HACE1: variants seen among roughly 807,000 people sequenced by gnomAD.
HACE1 encodes the protein E3 ubiquitin-protein ligase HACE1.
In HACE1, 73 loss-of-function variants were observed where a neutral mutation model predicts 118.4. The ratio of observed to expected loss-of-function variants is 0.62; its 90% CI spans 0.51 to 0.75. The LOEUF is 0.75. Among genes scored for constraint, HACE1 ranks in the 30% least tolerant of loss-of-function variants. The pLI, the probability that HACE1 is intolerant of heterozygous loss-of-function variation, is 0.00. For missense variants in HACE1, 749 were observed against 1,102.2 expected (o/e 0.68, Z 4.54); for synonymous variants, 368 against 374.8 (o/e 0.98, Z 0.21).
chr6:104,756,429 A>AG (rs1350335994), intron 19 of HACE1, among the ~76,000 whole-genome samples: 29 of 69,672 alleles, frequency 4.2e-4, no homozygotes, highest in Admixed American at 1.6e-3. Flanking sequence ...AAAAAAAAAT[A>AG]TATATATATA....
intron 19 of HACE1, among the ~76,000 whole-genome samples, chr6:104,756,733 G>A (rs1305703331): frequency 6.6e-6 from 1 of 152,166 alleles, no homozygotes; most frequent in East Asian, 1.9e-4. Flanking sequence ...GCCAAAGCAG[G>A]GCAGGGTGTC....
chr6:104,834,962 C>T (rs768191042), intron 5 of HACE1, among the ~76,000 whole-genome samples: 1 of 152,182 alleles, frequency 6.6e-6, no homozygotes, highest in Non-Finnish European at 1.5e-5. Flanking sequence ...TAAGAGACAA[C>T]AGGCACATTG....
chr6:104,800,931 G>A (rs999397747), intron 7 of HACE1, among the ~76,000 whole-genome samples: 1 of 152,126 alleles, frequency 6.6e-6, no homozygotes, highest in Non-Finnish European at 1.5e-5. Flanking sequence ...GCTAAAGGAG[G>A]ATGTTCTAAC....
At chr6:104,797,552 G>A (rs1769808709) in intron 7 of HACE1, among the ~76,000 whole-genome samples, 1 of 152,126 alleles carries the variant, frequency 6.6e-6, no homozygotes, top group Non-Finnish European at 1.5e-5. Context: ...AGAATCTGGG[G>A]AAAAAGGGAA....
Position 104,744,590 on chromosome 6 carries a change from C to A in HACE1, c.2364G>T (p.Met788Ile). 1 of 1,599,120 alleles carries A rather than the reference C, an allele frequency of 6.3e-7. No individual in the cohort carries two copies. Among genetic ancestry groups the A allele is most frequent in the Non-Finnish European group, 8.6e-7 (1 of 1,166,632 alleles). The change falls in exon 21 of 24, where the codon ATG (methionine) becomes ATT (isoleucine). Residue 788 changes from methionine (M) to isoleucine (I), a missense_variant. Physicochemically the swap from Met to Ile is conservative, Grantham distance 10. Transcript: ENST00000262903. ...EYELELLLSGMPEIDVSDWIK... is the reference protein window; with the variant it reads ...EYELELLLSGIPEIDVSDWIK... ...TCCAATCACTCACATCAATTTCTGGCATGCCAGAAAGCAGTAGCTCCTTGG... is the reference window on the plus strand; with the variant it reads ...TCCAATCACTCACATCAATTTCTGGAATGCCAGAAAGCAGTAGCTCCTTGG...
intron 17 of HACE1, among the ~76,000 whole-genome samples, chr6:104,773,681 C>T (rs917938382): frequency 3.3e-5 from 5 of 151,828 alleles, no homozygotes; most frequent in African/African-American, 1.2e-4. Context: ...GATGATTCTA[C>T]TTTCCTCCCC....
chr6:104,794,670 G>C (rs12660579), intron 10 of HACE1, among the ~76,000 whole-genome samples: 1 of 152,136 alleles, frequency 6.6e-6, no homozygotes, highest in Non-Finnish European at 1.5e-5. Context: ...TTGGGAGGCC[G>C]AGATGAGCGG....
intron 6 of HACE1, 107 bp downstream of exon 6, chr6:104,832,935 T>C: frequency 2.9e-6 from 3 of 1,044,436 alleles, no homozygotes; most frequent in Non-Finnish European, 4.4e-6. Flanking sequence ...AAATAAGATT[T>C]TGCTATAATG....
intron 20 of HACE1, among the ~76,000 whole-genome samples, chr6:104,749,003 T>C (rs1474819275): frequency 2.0e-5 from 3 of 152,166 alleles, no homozygotes; most frequent in Admixed American, 6.6e-5. Context: ...AAGCTATACA[T>C]TTATGATGTG....
intron 6 of HACE1, among the ~76,000 whole-genome samples, chr6:104,812,052 G>A (rs915287245): frequency 4.0e-5 from 6 of 151,812 alleles, no homozygotes; most frequent in African/African-American, 1.2e-4. Context: ...GAGAGAGTAC[G>A]CTACTATAAA....
intron 1 of HACE1, 148 bp downstream of exon 1, chr6:104,859,419 C>T (rs1168842250): frequency 3.0e-6 from 2 of 656,250 alleles, no homozygotes; most frequent in Non-Finnish European, 4.9e-6. Context: ...GTTCGGGGCC[C>T]GGGGCCGCCT....
At chr6:104,793,445 G>A (rs1783280526) in intron 10 of HACE1, among the ~76,000 whole-genome samples, 1 of 151,940 alleles carries the variant, frequency 6.6e-6, no homozygotes, top group African/African-American at 2.4e-5. Flanking sequence ...TATATAGAAA[G>A]GACGATAAAA....
intron 18 of HACE1, among the ~76,000 whole-genome samples, 179 bp downstream of exon 18, chr6:104,771,746 A>G (rs1432784448): frequency 1.3e-5 from 2 of 148,676 alleles, no homozygotes; most frequent in South Asian, 2.1e-4. Context: ...AGGTGTTTGG[A>G]AAAAAAAAAG....
chr6:104,750,562 G>A, intron 19 of HACE1, 90 bp from the exon 20 acceptor site: 1 of 1,233,428 alleles, frequency 8.1e-7, no homozygotes. Context: ...AGAGGTAAAG[G>A]TTTAAAATAA....
chr6:104,821,638 GA>G (rs1209562111), intron 6 of HACE1, among the ~76,000 whole-genome samples: 1 of 152,098 alleles, frequency 6.6e-6, no homozygotes, highest in Non-Finnish European at 1.5e-5. Context: ...TTATAAGCAG[GA>G]AATTGAGTGT....
In HACE1 at chr6:104,729,412, C is replaced by T; in HGVS notation, c.*250G>A. The T allele has an allele frequency of 2.0e-6, 1 of 490,144 alleles. No individual in the cohort carries two copies. The highest frequency in any genetic ancestry group is 2.3e-5 in the South Asian group (1 of 43,382). The allele number at this position is 490,144 out of a possible 1,614,324, so 30.4% of individuals were successfully genotyped here. A position where few individuals can be genotyped will look rare whatever the true frequency, so the allele number is the denominator to read the frequency against. ...AAAATTAATTATGAAAAAGGACAGT[C>T]TCTATTACTTTCAGTTAGCATTTTA... On this transcript the variant is annotated 3_prime_UTR_variant, in exon 24 of 24. Coordinates refer to ENST00000262903, the MANE Select transcript of HACE1 (RefSeq NM_020771.4).
chr6:104,848,646 T>A (rs1009952047), intron 4 of HACE1, among the ~76,000 whole-genome samples: 3 of 152,132 alleles, frequency 2.0e-5, no homozygotes, highest in East Asian at 1.9e-4. Context: ...TACAGCTCAT[T>A]CACAATAATT....
intron 4 of HACE1, among the ~76,000 whole-genome samples, chr6:104,845,339 T>C (rs929787561): frequency 6.6e-6 from 1 of 152,148 alleles, no homozygotes; most frequent in African/African-American, 2.4e-5. Flanking sequence ...AAAATTCTCA[T>C]TGATTGAATA....
chr6:104,816,765 G>A (rs182109537), intron 6 of HACE1, among the ~76,000 whole-genome samples: 1 of 152,268 alleles, frequency 6.6e-6, no homozygotes, highest in East Asian at 1.9e-4. Flanking sequence ...AAAGCCACAC[G>A]TACTCAATGT....
Sources: gnomAD v4.1 joint callset for allele counts (sites outside exome capture counted in the v4.1 genomes callset) on GRCh38, gnomAD v4.1.1 for gene constraint, MANE v1.5 for transcripts, NCBI Gene and HGNC (gene_info 2026-07-23, HGNC 2026-07-21) for gene names.